SFXN5: variants seen among roughly 807,000 people sequenced by gnomAD.
SFXN5 encodes the protein sideroflexin 5.
In SFXN5, 43 loss-of-function variants were observed where a neutral mutation model predicts 50.2. That is an observed-to-expected ratio of 0.86 (90% CI 0.67 to 1.11). The LOEUF (loss-of-function observed/expected upper bound fraction) is 1.11, where lower values mean the gene tolerates loss of function less well. SFXN5 is among the 50% of genes least tolerant of loss of function. The pLI is 0.00. For synonymous variants in SFXN5, 203 were observed against 185.8 expected (o/e 1.09, Z -0.75); for missense variants, 463 against 454.1 (o/e 1.02, Z -0.18).
intron 3 of SFXN5, among the ~76,000 whole-genome samples, chr2:73,035,827 G>A (rs1235004633): frequency 1.3e-5 from 2 of 152,062 alleles, no homozygotes; most frequent in Non-Finnish European, 2.9e-5. Flanking sequence ...ACAAGGTAAC[G>A]GTCCCTGGAG....
At chr2:73,035,131 A>G (rs1559182046) in intron 3 of SFXN5, among the ~76,000 whole-genome samples, 1 of 152,194 alleles carries the variant, frequency 6.6e-6, no homozygotes, top group Non-Finnish European at 1.5e-5. Context: ...AGCTGAGATA[A>G]TATGTGGAAA....
At chr2:73,065,649 G>C (rs1403121865) in intron 1 of SFXN5, among the ~76,000 whole-genome samples, 3 of 151,476 alleles carry the variant, frequency 2.0e-5, no homozygotes, top group African/African-American at 7.3e-5. Flanking sequence ...TGCCCGCCTT[G>C]GCCTCCCAGA....
chr2:73,035,368 T>C (rs1211865840), intron 3 of SFXN5, among the ~76,000 whole-genome samples: 4 of 152,220 alleles, frequency 2.6e-5, no homozygotes, highest in Non-Finnish European at 5.9e-5. Flanking sequence ...TTTGTTTTTT[T>C]AACTGATAGC....
chr2:73,065,992 A>G (rs1166273712), intron 1 of SFXN5, among the ~76,000 whole-genome samples: 1 of 152,216 alleles, frequency 6.6e-6, no homozygotes, highest in Non-Finnish European at 1.5e-5. Flanking sequence ...AGGAGAGGAA[A>G]TGACCAGAAA....
chr2:73,020,026 G>T, intron 6 of SFXN5: 1 of 550,106 alleles, frequency 1.8e-6, no homozygotes, highest in Non-Finnish European at 3.2e-6. Context: ...CTCAACGCTG[G>T]ATTTAAGTCA....
chr2:73,028,042 C>A (rs1224634776), intron 3 of SFXN5, among the ~76,000 whole-genome samples: 1 of 152,130 alleles, frequency 6.6e-6, no homozygotes, highest in East Asian at 1.9e-4. Flanking sequence ...GTTCCAATTG[C>A]CTACAGTATT....
At chr2:72,952,284 G>A (rs140743805) in intron 13 of SFXN5, among the ~76,000 whole-genome samples, 1 of 152,304 alleles carries the variant, frequency 6.6e-6, no homozygotes, top group East Asian at 1.9e-4. Context: ...GCCTCCTCCA[G>A]GAAGCCTCCC....
intron 6 of SFXN5, among the ~76,000 whole-genome samples, chr2:73,003,475 A>G (rs1043153791): frequency 6.6e-6 from 1 of 152,148 alleles, no homozygotes; most frequent in East Asian, 1.9e-4. Flanking sequence ...CTTGGGGGAA[A>G]TATTTTCCAG....
chr2:73,017,906 AG>A (rs1676373963), intron 6 of SFXN5, among the ~76,000 whole-genome samples: 1 of 152,216 alleles, frequency 6.6e-6, no homozygotes, highest in African/African-American at 2.4e-5. Context: ...CAATTATTCT[AG>A]GATGGGGGTG....
intron 3 of SFXN5, among the ~76,000 whole-genome samples, chr2:73,024,809 T>C (rs1053124537): frequency 1.3e-5 from 2 of 152,200 alleles, no homozygotes; most frequent in Admixed American, 6.5e-5. Context: ...TATATGGCAA[T>C]GTTGGTCATC....
intron 2 of SFXN5, among the ~76,000 whole-genome samples, chr2:73,054,944 A>T (rs13385994): frequency 0.34 from 51,530 of 152,124 alleles, 10,893 homozygotes; most frequent in African/African-American, 0.59. Flanking sequence ...CCAGGTAAGC[A>T]ACTAAAATAC....
At position 73,051,822 on chromosome 2, in the gene SFXN5, G is replaced by A. The variant is rs573177282; in HGVS notation, c.171+6706C>T. Reference sequence around the variant, plus strand: ...GGTGAGGTCTGCATCCTTCAGAGGGGAGAAATATTGTTGTCTCACAGGGAA... The same window carrying A: ...GGTGAGGTCTGCATCCTTCAGAGGGAAGAAATATTGTTGTCTCACAGGGAA... On this transcript the variant is annotated intron_variant, in intron 2 of 13. Transcript: ENST00000272433. Among the ~76,000 whole-genome samples, 4 of 152,288 alleles carry A rather than the reference G, an allele frequency of 2.6e-5. No homozygotes were observed. In the South Asian group the frequency reaches 8.3e-4, roughly 32 times the overall value.
intron 12 of SFXN5, 58 bp downstream of exon 12, chr2:72,968,390 C>T: frequency 1.3e-6 from 2 of 1,535,284 alleles, no homozygotes; most frequent in Non-Finnish European, 8.9e-7. Context: ...GCCGGTTCCC[C>T]CTCCCTCTCC....
At position 73,071,682 on chromosome 2, in the gene SFXN5, T is replaced by TGCTGTAGTC. The variant is rs762655715; in HGVS notation, c.15_23dup (p.Thr6_Ala8dup). 24 of 1,613,066 alleles carry TGCTGTAGTC rather than the reference T, an allele frequency of 1.5e-5. No individual in the cohort carries two copies. Among genetic ancestry groups the TGCTGTAGTC allele is most frequent in the Non-Finnish European group, 1.5e-5 (18 of 1,179,880 alleles). On this transcript the variant is annotated inframe_insertion, in exon 1 of 14. Coordinates refer to ENST00000272433, the MANE Select transcript of SFXN5 (RefSeq NM_144579.3). ...TAGCGGCACTAGCCGCCGCCGCCGA[T>TGCTGTAGTC]GCTGTAGTCGCTGTATCCGCCATGG...
chr2:72,984,572 T>C (rs2105545017), intron 10 of SFXN5, among the ~76,000 whole-genome samples: 1 of 152,370 alleles, frequency 6.6e-6, no homozygotes, highest in Admixed American at 6.5e-5. Flanking sequence ...AGTCTGACTT[T>C]GTTCATTCTT....
chr2:72,999,058 G>C (rs1312227573), intron 8 of SFXN5, 44 bp from the exon 9 acceptor site: 1 of 1,597,500 alleles, frequency 6.3e-7, no homozygotes, highest in East Asian at 2.2e-5. Flanking sequence ...GGTGCCCAAA[G>C]CTCCCATACT....
intron 2 of SFXN5, among the ~76,000 whole-genome samples, chr2:73,053,028 T>C (rs1274298486): frequency 6.6e-6 from 1 of 152,034 alleles, no homozygotes; most frequent in Non-Finnish European, 1.5e-5. Context: ...AATACAAAAA[T>C]TATCCGAGCA....
At chr2:73,053,833 C>T (rs971814146) in intron 2 of SFXN5, among the ~76,000 whole-genome samples, 1 of 152,122 alleles carries the variant, frequency 6.6e-6, no homozygotes, top group Non-Finnish European at 1.5e-5. Context: ...CAAATGAGCT[C>T]ATCCAAATTT....
At chr2:73,052,345 T>C (rs895345631) in intron 2 of SFXN5, among the ~76,000 whole-genome samples, 2 of 133,522 alleles carry the variant, frequency 1.5e-5, no homozygotes, top group African/African-American at 6.5e-5. Context: ...AGAGAGTGTG[T>C]GTGTGTGTGT....
Sources: gnomAD v4.1 joint callset for allele counts (sites outside exome capture counted in the v4.1 genomes callset) on GRCh38, gnomAD v4.1.1 for gene constraint, MANE v1.5 for transcripts, NCBI Gene and HGNC (gene_info 2026-07-23, HGNC 2026-07-21) for gene names.